Variants in CHST13 observed in about 807,000 individuals in gnomAD.
The protein encoded by CHST13 is carbohydrate sulfotransferase 13, also known as C4ST-3.
In CHST13, 1 loss-of-function variant was observed where a neutral mutation model predicts 7.0. That is an observed-to-expected ratio of 0.14 (90% CI 0.05 to 0.68). CHST13 has a LOEUF of 0.68. Among genes scored for constraint, CHST13 ranks in the 30% least tolerant of loss-of-function variants. CHST13 has a pLI of 0.82. For synonymous variants in CHST13, 257 were observed against 240.9 expected (o/e 1.07, Z -0.62); for missense variants, 572 against 507.9 (o/e 1.13, Z -1.21).
chr3:126,535,511 G>A (rs376024303), intron 1 of CHST13, among the ~76,000 whole-genome samples: 1 of 148,784 alleles, frequency 6.7e-6, no homozygotes, highest in Admixed American at 6.6e-5. Context: ...CAGTATCGCT[G>A]TCCTCAGCCG....
At chr3:126,529,325 C>T (rs1270013246) in intron 1 of CHST13, 1 of 1,289,382 alleles carries the variant, frequency 7.8e-7, no homozygotes, top group Admixed American at 2.3e-5. Flanking sequence ...TGCTCTCCTT[C>T]CCTGGGCTGG....
intron 1 of CHST13, among the ~76,000 whole-genome samples, chr3:126,535,385 G>A (rs2107567348): frequency 1.4e-5 from 2 of 145,192 alleles, no homozygotes; most frequent in East Asian, 2.1e-4. Flanking sequence ...GTCCCCAGCT[G>A]GTAGACAGAC....
intron 2 of CHST13, among the ~76,000 whole-genome samples, chr3:126,538,964 C>T (rs1350867884): frequency 1.3e-5 from 2 of 152,128 alleles, no homozygotes; most frequent in Non-Finnish European, 2.9e-5. Flanking sequence ...CCTGTCCTCT[C>T]GGAGGCCACC....
rs1936998316 is a variant in CHST13, at chr3:126,542,716, C to G, written c.*138C>G. Reference sequence around the variant, plus strand: ...CACCTGGCCGCCGGGCCAGCGGGCGCAGGGCACACCTGGCCAGGCTTGGGG... The same window carrying G: ...CACCTGGCCGCCGGGCCAGCGGGCGGAGGGCACACCTGGCCAGGCTTGGGG... On this transcript the variant is annotated 3_prime_UTR_variant, in exon 3 of 3. Transcript: ENST00000319340. 9 of 1,277,894 alleles carry G rather than the reference C, an allele frequency of 7.0e-6. No homozygotes were observed. In the East Asian group the frequency reaches 2.9e-4, roughly 41 times the overall value. The allele number at this position is 1,277,894 out of a possible 1,614,324, so 79.2% of individuals were successfully genotyped here. A position where few individuals can be genotyped will look rare whatever the true frequency, so the allele number is the denominator to read the frequency against.
chr3:126,531,183 A>G (rs904135152), intron 1 of CHST13, among the ~76,000 whole-genome samples: 29 of 152,370 alleles, frequency 1.9e-4, no homozygotes, highest in African/African-American at 7.0e-4. Flanking sequence ...AGCTGCTGGA[A>G]ATGCAGATTC....
chr3:126,533,338 C>T (rs1936696636), intron 1 of CHST13, among the ~76,000 whole-genome samples: 1 of 152,166 alleles, frequency 6.6e-6, no homozygotes, highest in African/African-American at 2.4e-5. Flanking sequence ...CAGTCTTTCA[C>T]TATTAAGTTA....
Position 126,543,052 on chromosome 3 carries a change from C to A in CHST13, c.*474C>A, listed in dbSNP as rs1937005908. 6.6e-6 allele frequency: 1 copy of A among 152,464 alleles called. No individual in the cohort carries two copies. 9.4% of individuals were successfully genotyped at this position (152,464 alleles called of 1,614,324 possible). A position where few individuals can be genotyped will look rare whatever the true frequency, so the allele number is the denominator to read the frequency against. ...ACGAAAGCCCTCCCTTGGCTGGCCT[C>A]ACGATGGGGCCGTCCCGGGAGCCAG... On this transcript the variant is annotated 3_prime_UTR_variant, in exon 3 of 3. Coordinates refer to ENST00000319340, the MANE Select transcript of CHST13 (RefSeq NM_152889.3).
chr3:126,528,934 ACAGAGGCCCT>A (rs1936590961), intron 1 of CHST13, among the ~76,000 whole-genome samples: 1 of 152,252 alleles, frequency 6.6e-6, no homozygotes, highest in African/African-American at 2.4e-5. Flanking sequence ...ATGGGGCAGG[ACAGAGGCCCT>A]CGGAGGCCAC....
At chr3:126,531,741 G>A (rs543204999) in intron 1 of CHST13, among the ~76,000 whole-genome samples, 1 of 152,220 alleles carries the variant, frequency 6.6e-6, no homozygotes, top group African/African-American at 2.4e-5. Context: ...TTTCCATTTT[G>A]GGGCTATCAT....
In CHST13 at chr3:126,542,044, G is replaced by T; in HGVS notation, c.492G>T (p.Leu164=). Residue 164 remains leucine (L), a synonymous_variant, in exon 3 of 3, where the codon CTG becomes CTT. Coordinates refer to ENST00000319340, the MANE Select transcript of CHST13 (RefSeq NM_152889.3). ...DFSPAEINRR[L]RAYLAFLFVR... ...GCCCCGCCGAGATCAACCGGCGCCT[G>T]CGCGCCTACTTGGCCTTCCTGTTCG... 1 of 1,576,168 alleles carries T rather than the reference G, an allele frequency of 6.3e-7. No individual in the cohort carries two copies. Among genetic ancestry groups the T allele is most frequent in the Non-Finnish European group, 8.6e-7 (1 of 1,165,518 alleles).
chr3:126,539,281 C>T (rs1014228605), intron 2 of CHST13, among the ~76,000 whole-genome samples: 3 of 152,164 alleles, frequency 2.0e-5, no homozygotes, highest in African/African-American at 7.2e-5. Context: ...TCCACCCACC[C>T]TTTGTGAAAC....
chr3:126,529,335 G>T (rs1431744105), intron 1 of CHST13: 2 of 1,289,246 alleles, frequency 1.6e-6, no homozygotes, highest in African/African-American at 3.0e-5. Flanking sequence ...CCCTGGGCTG[G>T]TATTTCCTCA....
intron 1 of CHST13, among the ~76,000 whole-genome samples, chr3:126,534,738 C>G (rs1488792223): frequency 6.7e-6 from 1 of 150,322 alleles, no homozygotes; most frequent in Non-Finnish European, 1.5e-5. Context: ...GACAGCATCC[C>G]TGTCCCCACC....
At chr3:126,526,038 C>A (rs1332057373) in intron 1 of CHST13, among the ~76,000 whole-genome samples, 1 of 152,186 alleles carries the variant, frequency 6.6e-6, no homozygotes, top group Non-Finnish European at 1.5e-5. Context: ...TTGGCCATGA[C>A]CTCACCCAGC....
chr3:126,525,405 C>T (rs1455577445), intron 1 of CHST13, among the ~76,000 whole-genome samples: 1 of 152,064 alleles, frequency 6.6e-6, no homozygotes, highest in Non-Finnish European at 1.5e-5. Flanking sequence ...CCTGGGGAGG[C>T]CTCTGCCCAC....
In CHST13 at chr3:126,541,792, C is replaced by T. The variant is rs1419155092; in HGVS notation, c.240C>T (p.Ala80=). 1.3e-6 allele frequency: 2 copies of T among 1,543,698 alleles called. No individual in the cohort carries two copies. Among genetic ancestry groups the T allele is most frequent in the Non-Finnish European group, 1.7e-6 (2 of 1,146,114 alleles). ...AGCGGCGCGACCTGCTGAACAGCGC[C>T]TGTAGCCGCCACTCACGCCGGCAGC... The part of the protein sequence containing the change: ...HRQRRDLLNS[A]CSRHSRRQRL... Residue 80 remains alanine, a synonymous_variant, in exon 3 of 3, where the codon GCC becomes GCT. Transcript: ENST00000319340.
chr3:126,525,632 C>T (rs533623046), intron 1 of CHST13, among the ~76,000 whole-genome samples: 5 of 152,174 alleles, frequency 3.3e-5, no homozygotes, highest in Non-Finnish European at 4.4e-5. Context: ...CTCTGTCCAC[C>T]GAGTCATTCA....
In CHST13 at chr3:126,543,059, G is replaced by A. The variant is rs1937006144; in HGVS notation, c.*481G>A. ...CCCTCCCTTGGCTGGCCTCACGATG[G>A]GGCCGTCCCGGGAGCCAGGTGGGAG... On this transcript the variant is annotated 3_prime_UTR_variant, in exon 3 of 3. Coordinates refer to ENST00000319340, the MANE Select transcript of CHST13 (RefSeq NM_152889.3). 1 of 152,366 alleles carries A rather than the reference G, an allele frequency of 6.6e-6. No homozygotes were observed. The highest frequency in any genetic ancestry group is 2.4e-5 in the African/African-American group (1 of 41,452). The allele number at this position is 152,366 out of a possible 1,614,324, so 9.4% of individuals were successfully genotyped here. A position where few individuals can be genotyped will look rare whatever the true frequency, so the allele number is the denominator to read the frequency against.
At chr3:126,539,460 C>T (rs367782540) in intron 2 of CHST13, among the ~76,000 whole-genome samples, 1 of 151,274 alleles carries the variant, frequency 6.6e-6, no homozygotes, top group East Asian at 1.9e-4. Flanking sequence ...ACCACAAACA[C>T]ACCACACACA....
Sources: allele counts gnomAD v4.1 joint callset (sites outside exome capture counted in the v4.1 genomes callset), GRCh38; gene constraint gnomAD v4.1.1; transcripts MANE v1.5; gene names NCBI Gene and HGNC (gene_info 2026-07-23, HGNC 2026-07-21).